The following WDR64 variants were observed in gnomAD, a reference collection of about 807,000 sequenced individuals.
WDR64 encodes WD repeat-containing protein 64.
Under a neutral mutation model 139.3 loss-of-function variants are expected in WDR64, and 112 were observed. That is an observed-to-expected ratio of 0.80 (90% confidence interval 0.69 to 0.94). WDR64 has a LOEUF of 0.94. WDR64 is among the 40% of genes least tolerant of loss of function. The pLI, the probability that WDR64 is intolerant of heterozygous loss-of-function variation, is 0.00. For missense variants in WDR64, 1,206 were observed against 1,293.1 expected (o/e 0.93, Z 1.03); for synonymous variants, 444 against 437.7 (o/e 1.01, Z -0.18).
chr1:241,751,715 G>A (rs575885738), intron 14 of WDR64, among the ~76,000 whole-genome samples: 3 of 152,160 alleles, frequency 2.0e-5, no homozygotes, highest in South Asian at 4.2e-4. Context: ...GCAACTGCCC[G>A]CTCTGGGCAC....
At chr1:241,754,327 T>C (rs866182023) in intron 14 of WDR64, among the ~76,000 whole-genome samples, 2 of 141,376 alleles carry the variant, frequency 1.4e-5, no homozygotes, top group East Asian at 2.0e-4. Flanking sequence ...TTTCTTTTTT[T>C]TTTTTTTTTT....
At chr1:241,783,191 A>T (rs1402503583) in intron 22 of WDR64, 81 bp from the exon 23 acceptor site, 1 of 1,234,712 alleles carries the variant, frequency 8.1e-7, no homozygotes, top group Admixed American at 2.0e-5. Flanking sequence ...GCTTGGCTCA[A>T]TGAGAAATGA....
chr1:241,757,359 A>G lies in WDR64; in HGVS notation c.1847A>G (p.His616Arg). The G allele has an allele frequency of 6.2e-7, 1 of 1,614,112 alleles. No homozygotes were observed. The change falls in exon 15 of 28, where the codon CAT (histidine) becomes CGT (arginine). Residue 616 changes from histidine (H) to arginine (R), a missense_variant. Transcript: ENST00000437684. ...DVVPFLQDGK[H>R]AVHLRMSTRD... ...GTGCCTTTCCTACAAGATGGGAAAC[A>G]TGCTGTGCATCTGAGAATGTCTACT...
chr1:241,678,731 C>G (rs544569617), intron 5 of WDR64, among the ~76,000 whole-genome samples: 395 of 151,926 alleles, frequency 2.6e-3, no homozygotes, highest in Non-Finnish European at 4.3e-3. Flanking sequence ...TTTACGAGAG[C>G]TGGGAGAATG....
At chr1:241,661,149 A>G (rs994206306) in intron 2 of WDR64, among the ~76,000 whole-genome samples, 1 of 151,472 alleles carries the variant, frequency 6.6e-6, no homozygotes, top group African/African-American at 2.4e-5. Context: ...ATTTTTATAA[A>G]TTATCTGGTT....
Position 241,701,272 on chromosome 1 carries a change from ATG to A in WDR64, c.975-10529_975-10528del, listed in dbSNP as rs375399337. 9.2e-3 allele frequency among the ~76,000 whole-genome samples: 1,365 copies of A among 149,068 alleles called. 16 individuals carry two copies. The highest frequency in any genetic ancestry group is 0.042 in the Middle Eastern group (12 of 288). Reference sequence around the variant, plus strand: ...TACACACACATACACATGCGTGCACATGCGCGCACACACACACACACACTCAC... The same window carrying A: ...TACACACACATACACATGCGTGCACACGCGCACACACACACACACACTCAC... On this transcript the variant is annotated intron_variant, in intron 8 of 27. Coordinates refer to ENST00000437684, the MANE Select transcript of WDR64 (RefSeq NM_001367482.1).
intron 8 of WDR64, 34 bp from the exon 9 acceptor site, chr1:241,711,768 T>G: frequency 6.2e-7 from 1 of 1,600,098 alleles, no homozygotes; most frequent in Non-Finnish European, 8.6e-7. Flanking sequence ...TAAAGAAAAA[T>G]ATATATGTTT....
chr1:241,696,919 T>C (rs576232841), intron 8 of WDR64, among the ~76,000 whole-genome samples: 67 of 152,296 alleles, frequency 4.4e-4, no homozygotes, highest in African/African-American at 1.5e-3. Context: ...ACCCAGCCCC[T>C]ATTCAAGATG....
chr1:241,741,467 T>C (rs1285083801), intron 11 of WDR64, 49 bp from the exon 12 acceptor site: 3 of 1,528,596 alleles, frequency 2.0e-6, no homozygotes, highest in Non-Finnish European at 2.6e-6. Flanking sequence ...CCTTTGTGAT[T>C]AGAAACTTCT....
intron 7 of WDR64, among the ~76,000 whole-genome samples, chr1:241,686,477 A>G (rs6429290): frequency 0.71 from 108,185 of 152,100 alleles, 39,154 homozygotes; most frequent in Non-Finnish European, 0.78. Context: ...CTCAACTAGA[A>G]TTTAAGCAAC....
chr1:241,711,129 C>G (rs1237616000), intron 8 of WDR64, among the ~76,000 whole-genome samples: 1 of 151,644 alleles, frequency 6.6e-6, no homozygotes, highest in Non-Finnish European at 1.5e-5. Context: ...CCCAGCTACT[C>G]AGGAGGCTGA....
intron 2 of WDR64, among the ~76,000 whole-genome samples, chr1:241,663,480 C>A (rs1665913825): frequency 1.3e-5 from 2 of 152,344 alleles, no homozygotes; most frequent in South Asian, 2.1e-4. Context: ...TGGTGTGCAA[C>A]CCACCCTCAT....
intron 1 of WDR64, among the ~76,000 whole-genome samples, chr1:241,655,597 C>T (rs1665557134): frequency 6.6e-6 from 1 of 152,218 alleles, no homozygotes; most frequent in African/African-American, 2.4e-5. Context: ...CATTTCCCTT[C>T]ATGCACCTTC....
Position 241,674,633 on chromosome 1 carries a change from G to A in WDR64, c.380-11G>A. 1 of 1,511,084 alleles carries A rather than the reference G, an allele frequency of 6.6e-7. No individual in the cohort carries two copies. The highest frequency in any genetic ancestry group is 9.0e-7 in the Non-Finnish European group (1 of 1,114,660). The allele number at this position is 1,511,084 out of a possible 1,614,324, so 93.6% of individuals were successfully genotyped here. A position where few individuals can be genotyped will look rare whatever the true frequency, so the allele number is the denominator to read the frequency against. On this transcript the variant is annotated splice_polypyrimidine_tract_variant and intron_variant, in intron 3 of 27. Transcript: ENST00000437684. Reference sequence around the variant, plus strand: ...TGCTGAAAGTTGAAATGAATATTATGCTGTTGACAGGTAGTAGAAGACGAG... The same window carrying A: ...TGCTGAAAGTTGAAATGAATATTATACTGTTGACAGGTAGTAGAAGACGAG...
At chr1:241,727,165 G>C (rs1456803494) in intron 10 of WDR64, among the ~76,000 whole-genome samples, 1 of 152,190 alleles carries the variant, frequency 6.6e-6, no homozygotes, top group Non-Finnish European at 1.5e-5. Context: ...GGGATTACAG[G>C]TGTGAGCCAC....
chr1:241,739,633 G>A (rs1170138020), intron 11 of WDR64, among the ~76,000 whole-genome samples: 1 of 152,162 alleles, frequency 6.6e-6, no homozygotes, highest in Non-Finnish European at 1.5e-5. Flanking sequence ...ACTAGGCTTA[G>A]CATTTCCATC....
chr1:241,695,977 G>C (rs1342484065), intron 8 of WDR64, among the ~76,000 whole-genome samples: 1 of 151,570 alleles, frequency 6.6e-6, no homozygotes, highest in Non-Finnish European at 1.5e-5. Flanking sequence ...AGCCAGGTAT[G>C]GTGGCATGCG....
intron 23 of WDR64, among the ~76,000 whole-genome samples, chr1:241,786,990 T>C (rs1659059001): frequency 1.3e-5 from 2 of 152,100 alleles, no homozygotes; most frequent in South Asian, 2.1e-4. Context: ...CTTTGACAAA[T>C]GGGTGTCATA....
Position 241,660,577 on chromosome 1 carries a change from G to T in WDR64, c.193G>T (p.Gly65Cys), listed in dbSNP as rs1416803426. 1 of 1,551,770 alleles carries T rather than the reference G, an allele frequency of 6.4e-7. No homozygotes were observed. Among genetic ancestry groups the T allele is most frequent in the East Asian group, 2.4e-5 (1 of 40,914 alleles). Residue 65 changes from glycine to cysteine, a missense_variant, in exon 2 of 28, where the codon GGT (glycine) becomes TGT (cysteine). Gly to Cys is a radical substitution (Grantham distance 159, BLOSUM62 -3). Transcript: ENST00000437684. The part of the protein sequence containing the change: ...KFYASVQKLF[G>C]PDVKNQDVKR... ...TTATGCATCGGTACAGAAGCTCTTT[G>T]GTCCAGATGTGAAGAATCAAGATGT...
Sources: gnomAD v4.1 joint callset for allele counts (sites outside exome capture counted in the v4.1 genomes callset) on GRCh38, gnomAD v4.1.1 for gene constraint, MANE v1.5 for transcripts, NCBI Gene and HGNC (gene_info 2026-07-23, HGNC 2026-07-21) for gene names.